MCM10: variants seen among roughly 807,000 people sequenced by gnomAD.
MCM10 encodes the protein protein MCM10 homolog.
Under a neutral mutation model 109.9 loss-of-function variants are expected in MCM10, and 91 were observed. The ratio of observed to expected loss-of-function variants is 0.83; its 90% CI spans 0.70 to 0.99. The LOEUF is 0.99. Among genes scored for constraint, MCM10 ranks in the 50% least tolerant of loss-of-function variants. The pLI is 0.00. For missense variants in MCM10, 1,077 were observed against 1,061.2 expected (o/e 1.01, Z -0.21); for synonymous variants, 380 against 387.2 (o/e 0.98, Z 0.22).
chr10:13,179,935 A>G (rs1399480381), intron 6 of MCM10, among the ~76,000 whole-genome samples: 5 of 152,210 alleles, frequency 3.3e-5, no homozygotes, highest in African/African-American at 1.2e-4. Flanking sequence ...ATCTATATCC[A>G]AAGAAAGGCA....
rs546017881 is a variant in MCM10, at chr10:13,188,640, C to G, written c.1216-241C>G. On this transcript the variant is annotated intron_variant, in intron 9 of 19. Transcript: ENST00000378714. ...AAGGTTCATCCTAAAAGCTGATTTC[C>G]TTTGTAGAAAGAGGGCAAGGGGTAT... Among the ~76,000 whole-genome samples the G allele has an allele frequency of 2.0e-5, 3 of 152,280 alleles. No individual in the cohort carries two copies. The East Asian group carries it at 5.8e-4, about 29-fold the overall frequency.
chr10:13,170,080 T>A (rs1834050818), intron 2 of MCM10, among the ~76,000 whole-genome samples: 1 of 152,242 alleles, frequency 6.6e-6, no homozygotes, highest in Admixed American at 6.5e-5. Context: ...TAATGCAGTG[T>A]GGAATATTTA....
At chr10:13,163,040 T>C (rs1489091414) in intron 1 of MCM10, among the ~76,000 whole-genome samples, 1 of 150,188 alleles carries the variant, frequency 6.7e-6, no homozygotes, top group Non-Finnish European at 1.5e-5. Context: ...GATCGCCCCA[T>C]TGCACTCCAG....
intron 6 of MCM10, among the ~76,000 whole-genome samples, chr10:13,177,086 C>T (rs1043948830): frequency 6.6e-6 from 1 of 152,194 alleles, no homozygotes; most frequent in African/African-American, 2.4e-5. Context: ...CTGCCTGCCC[C>T]AGCCATGGCC....
rs778913875 is a variant in MCM10 at position 13,188,924 on chromosome 10, A to G, written c.1259A>G (p.Lys420Arg). 8 of 1,614,190 alleles carry G rather than the reference A, an allele frequency of 5.0e-6. No individual in the cohort carries two copies. The South Asian group carries it at 7.7e-5, about 16-fold the overall frequency. The change falls in exon 10 of 20, where the codon AAG becomes AGG. Residue 420 changes from lysine to arginine, a missense_variant. Coordinates refer to ENST00000378714, the MANE Select transcript of MCM10 (RefSeq NM_018518.5). ...YCQYHVQAQYKKLSAKRADLQ... is the reference protein window; with the variant it reads ...YCQYHVQAQYRKLSAKRADLQ... ...CAGTACCATGTCCAGGCTCAGTACAAGAAGCTCAGCGCAAAGCGTGCGGAT... is the reference window on the plus strand; with the variant it reads ...CAGTACCATGTCCAGGCTCAGTACAGGAAGCTCAGCGCAAAGCGTGCGGAT...
rs190404042 is a variant in MCM10 at position 13,210,435 on chromosome 10, T to C, written c.*1125T>C. 2 of 152,212 alleles carry C rather than the reference T, an allele frequency of 1.3e-5. No homozygotes were observed. The highest frequency in any genetic ancestry group is 6.5e-5 in the Admixed American group (1 of 15,280). The allele number at this position is 152,212 out of a possible 1,614,324, so 9.4% of individuals were successfully genotyped here. ...AAATATCATTTGACCTAAGTGAATG[T>C]TGATACTAGCTAAAGATTGGGTAAA... On this transcript the variant is annotated 3_prime_UTR_variant, in exon 20 of 20. Transcript: ENST00000378714.
intron 2 of MCM10, among the ~76,000 whole-genome samples, chr10:13,164,948 T>C (rs929649389): frequency 6.6e-6 from 1 of 152,092 alleles, no homozygotes; most frequent in African/African-American, 2.4e-5. Context: ...AGTTGCATAA[T>C]TGAACTCATA....
At chr10:13,165,729 A>T (rs1588463730) in intron 2 of MCM10, among the ~76,000 whole-genome samples, 1 of 151,752 alleles carries the variant, frequency 6.6e-6, no homozygotes, top group Admixed American at 6.6e-5. Context: ...ACAAAAATTA[A>T]CCTGGTGTGG....
intron 18 of MCM10, 43 bp downstream of exon 18, chr10:13,204,407 T>C (rs1588480718): frequency 1.9e-6 from 3 of 1,606,628 alleles, no homozygotes; most frequent in Non-Finnish European, 2.6e-6. Flanking sequence ...GTGGGGATTT[T>C]CATCTCTTTT....
rs143713060 is a variant in MCM10, at chr10:13,183,198, G to A, written c.1098+98G>A. The A allele has an allele frequency of 6.6e-4, 913 of 1,374,848 alleles. 4 individuals are homozygous for A. In the African/African-American group the frequency reaches 9.5e-3, roughly 14 times the overall value. The allele number at this position is 1,374,848 out of a possible 1,614,324, so 85.2% of individuals were successfully genotyped here. ...ATGCAGCACACAGTGGCTCACACCT[G>A]TAATCCTAACACTTTGGGGAGGCCA... On this transcript the variant is annotated intron_variant, in intron 8 of 19. Transcript: ENST00000378714.
Position 13,180,507 on chromosome 10 carries a change from C to G in MCM10, c.830C>G (p.Ser277Cys). The G allele has an allele frequency of 6.2e-7, 1 of 1,613,928 alleles. No homozygotes were observed. Among genetic ancestry groups the G allele is most frequent in the Non-Finnish European group, 8.5e-7 (1 of 1,179,980 alleles). ...KMTGRKLIRLSQIKEKMAREK... is the reference protein window; with the variant it reads ...KMTGRKLIRLCQIKEKMAREK... ...ACCGGCCGAAAACTGATCAGACTGT[C>G]TCAGATCAAGGAAAAGATGGCCAGA... Residue 277 changes from serine to cysteine, a missense_variant, in exon 7 of 20, where the codon TCT becomes TGT. Coordinates refer to ENST00000378714, the MANE Select transcript of MCM10 (RefSeq NM_018518.5).
chr10:13,194,917 A>G (rs1834394989), intron 13 of MCM10, 124 bp from the exon 14 acceptor site: 2 of 718,842 alleles, frequency 2.8e-6, no homozygotes, highest in Admixed American at 2.8e-5. Flanking sequence ...AGAAGGGGAC[A>G]TTATTTTGCT....
rs756945944 is a variant in MCM10 at position 13,192,335 on chromosome 10, AAAC to A, written c.1602_1604del (p.Gln534del). On this transcript the variant is annotated inframe_deletion, in exon 12 of 20. Transcript: ENST00000378714. ...GCCGACGTGTGGAGCCAGGAACTTA[AAAC>A]AACATTTAGCCAAAGCCACAGCTTC... 8.7e-6 allele frequency: 14 copies of A among 1,612,462 alleles called. No individual in the cohort carries two copies. Among genetic ancestry groups the A allele is most frequent in the African/African-American group, 1.3e-5 (1 of 75,010 alleles).
chr10:13,198,014 G>A lies in MCM10; in HGVS notation c.2119+247G>A, dbSNP rs575910967. ...TACAGCCTCTGCCTCCTGGGTTCAAGCGATCCTCCTGCCTCAGCCTCACGA... is the reference window on the plus strand; with the variant it reads ...TACAGCCTCTGCCTCCTGGGTTCAAACGATCCTCCTGCCTCAGCCTCACGA... On this transcript the variant is annotated intron_variant, in intron 15 of 19. Coordinates refer to ENST00000378714, the MANE Select transcript of MCM10 (RefSeq NM_018518.5). Among the ~76,000 whole-genome samples the A allele has an allele frequency of 1.6e-4, 25 of 151,662 alleles. No individual in the cohort carries two copies. The South Asian group carries it at 4.4e-3, about 26-fold the overall frequency.
rs1371676274 is a variant in MCM10 at position 13,171,154 on chromosome 10, T to C, written c.240T>C (p.Asp80=). The change falls in exon 3 of 20, where the codon GAT becomes GAC. Residue 80 remains aspartate, a synonymous_variant. Transcript: ENST00000378714. ...EKENLATLFG[D]MEDLTDEEEV... is the part of the protein sequence containing the mutation. Reference sequence around the variant, plus strand: ...AAAATCTGGCCACTCTCTTTGGAGATATGGAGGACTTAACAGATGAAGAAG... The same window carrying C: ...AAAATCTGGCCACTCTCTTTGGAGACATGGAGGACTTAACAGATGAAGAAG... The C allele has an allele frequency of 1.9e-6, 3 of 1,614,180 alleles. No individual in the cohort carries two copies. Among genetic ancestry groups the C allele is most frequent in the Admixed American group, 3.3e-5 (2 of 60,024 alleles).
At chr10:13,176,108 T>A (rs1439153438) in intron 6 of MCM10, among the ~76,000 whole-genome samples, 1 of 152,210 alleles carries the variant, frequency 6.6e-6, no homozygotes, top group South Asian at 2.1e-4. Flanking sequence ...CTGGGTCTTT[T>A]GCGGTTCTGT....
chr10:13,205,500 A>G (rs77308116), intron 18 of MCM10, among the ~76,000 whole-genome samples: 2,479 of 152,280 alleles, frequency 0.016, 62 homozygotes, highest in African/African-American at 0.056. Flanking sequence ...ATACATGTGC[A>G]GAAATCAGTG....
At chr10:13,183,145 G>T (rs1446020348) in intron 8 of MCM10, 45 bp downstream of exon 8, 1 of 1,589,264 alleles carries the variant, frequency 6.3e-7, no homozygotes, top group Non-Finnish European at 8.6e-7. Context: ...GTCTTTACAA[G>T]TTAACTGAGT....
chr10:13,169,558 G>A (rs1435909431), intron 2 of MCM10, among the ~76,000 whole-genome samples: 1 of 152,118 alleles, frequency 6.6e-6, no homozygotes, highest in African/African-American at 2.4e-5. Context: ...CGAGAAGACG[G>A]ATACACGATT....
Sources: gnomAD v4.1 joint callset for allele counts (sites outside exome capture counted in the v4.1 genomes callset) on GRCh38, gnomAD v4.1.1 for gene constraint, MANE v1.5 for transcripts, NCBI Gene and HGNC (gene_info 2026-07-23, HGNC 2026-07-21) for gene names.